Variants in SASH1 observed in about 807,000 individuals in gnomAD.
SASH1 encodes the protein SAM and SH3 domain-containing protein 1.
Under a neutral mutation model 125.2 loss-of-function variants are expected in SASH1, and 44 were observed. That is an observed-to-expected ratio of 0.35 (90% CI 0.28 to 0.45). The LOEUF is 0.45. Ranked by LOEUF, SASH1 falls within the 20% of genes least tolerant of loss-of-function variation. The pLI is 1.00. For synonymous variants in SASH1, 639 were observed against 649.1 expected (o/e 0.98, Z 0.24); for missense variants, 1,426 against 1,614.5 (o/e 0.88, Z 2.00).
chr6:148,499,317 A>G (rs1400663019), intron 8 of SASH1, among the ~76,000 whole-genome samples: 1 of 152,048 alleles, frequency 6.6e-6, no homozygotes, highest in Non-Finnish European at 1.5e-5. Context: ...GTTCACTCTA[A>G]TATTTATTAT....
In SASH1 at chr6:148,410,234, G is replaced by A. The variant is rs533007486; in HGVS notation, c.285+19972G>A. ...CAAGCAATTCTCCTGCCTCAGCCTC[G>A]TGAGTAGCTGAGATTACAGGCGCCC... On this transcript the variant is annotated intron_variant, in intron 2 of 19. Transcript: ENST00000367467. Among the ~76,000 whole-genome samples, 29 of 148,588 alleles carry A rather than the reference G, an allele frequency of 2.0e-4. No homozygotes were observed. The East Asian group carries it at 4.8e-3, about 24-fold the overall frequency.
intron 8 of SASH1, among the ~76,000 whole-genome samples, chr6:148,510,492 C>G (rs530486723): frequency 6.6e-6 from 1 of 152,226 alleles, no homozygotes; most frequent in African/African-American, 2.4e-5. Flanking sequence ...AGTTTAAAAC[C>G]TGTTCTATAA....
rs531779481 is a variant in SASH1, at chr6:148,468,355, G to A, written c.387-190G>A. Among the ~76,000 whole-genome samples, 23 of 152,202 alleles carry A rather than the reference G, an allele frequency of 1.5e-4. No individual in the cohort carries two copies. The South Asian group carries it at 4.1e-3, about 27-fold the overall frequency. ...TTCGAGTGAGTCTTTAATAAATGTCGACAAATGGCACACGAGTCTATTTCT... is the reference window on the plus strand; with the variant it reads ...TTCGAGTGAGTCTTTAATAAATGTCAACAAATGGCACACGAGTCTATTTCT... On this transcript the variant is annotated intron_variant, in intron 4 of 19. Transcript: ENST00000367467.
chr6:148,449,078 C>CTTTTTTTTTTTTTTTTTCTTTTTTTTTTT, intron 4 of SASH1, among the ~76,000 whole-genome samples: 4 of 88,730 alleles, frequency 4.5e-5, no homozygotes, highest in Non-Finnish European at 9.2e-5. Flanking sequence ...CATTTCATTT[C>CTTTTTTTTTTTTTTTTTCTTTTTTTTTTT]TTTTTTTTTT....
At chr6:148,292,081 T>C (rs1468806955) in intron 1 of SASH1, among the ~76,000 whole-genome samples, 1 of 152,220 alleles carries the variant, frequency 6.6e-6, no homozygotes, top group Non-Finnish European at 1.5e-5. Context: ...AGGAAGGAAC[T>C]AACTTTGTCA....
Position 148,319,852 on chromosome 6 carries a change from C to T in SASH1, n.74+47475C>T, listed in dbSNP as rs563640674. On this transcript the variant is annotated intron_variant and non_coding_transcript_variant, in intron 1 of 3. Coordinates refer to the SASH1 transcript ENST00000367469. ...TTAAATTGCACGCCATTCTGAGGGA[C>T]ATAATGAAATCTTGTGCTGTCCAGC... is the stretch of plus-strand genomic sequence containing the variant. Among the ~76,000 whole-genome samples, 13 of 152,266 alleles carry T rather than the reference C, an allele frequency of 8.5e-5. No individual in the cohort carries two copies. In the South Asian group the frequency reaches 2.5e-3, roughly 29 times the overall value.
At chr6:148,326,293 G>T (rs1390181540) in intron 1 of SASH1, among the ~76,000 whole-genome samples, 2 of 96,032 alleles carry the variant, frequency 2.1e-5, no homozygotes, top group Non-Finnish European at 3.9e-5. Flanking sequence ...CTCCCAAAGT[G>T]CTGGGATTAC....
intron 4 of SASH1, among the ~76,000 whole-genome samples, chr6:148,445,455 C>G (rs1185589358): frequency 6.6e-6 from 1 of 152,082 alleles, no homozygotes; most frequent in East Asian, 1.9e-4. Context: ...TAAGGCTTTT[C>G]TTGAGAGGGC....
chr6:148,270,307 T>C (rs115169312), upstream of SASH1, among the ~76,000 whole-genome samples: 1,798 of 152,316 alleles, frequency 0.012, 39 homozygotes, highest in African/African-American at 0.041. Context: ...TCCCTCACCT[T>C]ACCTGCCAGC....
chr6:148,477,586 C>G (rs1045533551), intron 7 of SASH1, among the ~76,000 whole-genome samples: 2 of 151,586 alleles, frequency 1.3e-5, no homozygotes, highest in Admixed American at 1.3e-4. Flanking sequence ...AATGCAGTGG[C>G]GAGATCTCGG....
At chr6:148,419,062 T>C (rs1784938768) in intron 2 of SASH1, among the ~76,000 whole-genome samples, 1 of 152,218 alleles carries the variant, frequency 6.6e-6, no homozygotes, top group African/African-American at 2.4e-5. Context: ...TTCTTGTTGC[T>C]CTGTGAATAA....
chr6:148,488,689 C>T (rs528553042), intron 8 of SASH1, among the ~76,000 whole-genome samples: 1 of 152,272 alleles, frequency 6.6e-6, no homozygotes, highest in Admixed American at 6.5e-5. Context: ...TAATAATTAT[C>T]CTAATGGTGT....
the SASH1 span, among the ~76,000 whole-genome samples, chr6:148,199,029 G>C: frequency 6.6e-6 from 1 of 152,150 alleles, no homozygotes; most frequent in African/African-American, 2.4e-5. Flanking sequence ...GAGGCAAAGA[G>C]AAGTTAAATG....
At chr6:148,216,312 T>C in the SASH1 span, among the ~76,000 whole-genome samples, 1 of 152,204 alleles carries the variant, frequency 6.6e-6, no homozygotes, top group Non-Finnish European at 1.5e-5. Context: ...ACTTTTATTG[T>C]CTAAAGAGAA....
At chr6:148,274,999 G>A (rs1219672292) in intron 1 of SASH1, among the ~76,000 whole-genome samples, 1 of 152,118 alleles carries the variant, frequency 6.6e-6, no homozygotes, top group Non-Finnish European at 1.5e-5. Flanking sequence ...ACCAATGGGT[G>A]GTGCCACCAT....
chr6:148,404,956 A>G (rs1017658936), intron 2 of SASH1, among the ~76,000 whole-genome samples: 1 of 151,644 alleles, frequency 6.6e-6, no homozygotes, highest in African/African-American at 2.4e-5. Context: ...AGCAGAGAGG[A>G]AAAAATAATA....
chr6:148,296,446 AG>A (rs1488756385), intron 1 of SASH1, among the ~76,000 whole-genome samples: 3 of 152,186 alleles, frequency 2.0e-5, no homozygotes, highest in African/African-American at 7.2e-5. Flanking sequence ...ATTATCATTA[AG>A]TATGTATTTT....
chr6:148,493,361 T>C (rs1379298630), intron 8 of SASH1, among the ~76,000 whole-genome samples: 1 of 152,222 alleles, frequency 6.6e-6, no homozygotes, highest in Non-Finnish European at 1.5e-5. Context: ...ATTCTCATTA[T>C]TTTAGATTTT....
the SASH1 span, among the ~76,000 whole-genome samples, chr6:148,240,470 T>C: frequency 1.3e-5 from 2 of 152,206 alleles, no homozygotes; most frequent in African/African-American, 2.4e-5. Flanking sequence ...AGGTCATTGG[T>C]TTACAATTAA....
Sources: allele counts gnomAD v4.1 joint callset (sites outside exome capture counted in the v4.1 genomes callset), GRCh38; gene constraint gnomAD v4.1.1; transcripts MANE v1.5; gene names NCBI Gene and HGNC (gene_info 2026-07-23, HGNC 2026-07-21).